PCBD2: variants seen among roughly 807,000 people sequenced by gnomAD.
The protein encoded by PCBD2 is pterin-4 alpha-carbinolamine dehydratase 2.
PCBD2 carries 12 observed loss-of-function variants against 16.4 expected under a neutral mutation model. The observed-to-expected ratio is 0.73, with a 90% CI of 0.47 to 1.19. PCBD2 has a LOEUF of 1.19. PCBD2 is among the 50% of genes most tolerant of loss of function. The probability of loss-of-function intolerance (pLI) is 0.00; values close to 1 mark genes in which losing one functional copy is unlikely to be tolerated. For missense variants in PCBD2, 138 were observed against 156.8 expected, an observed-to-expected ratio of 0.88 and a Z score of 0.64; for synonymous variants, 58 against 61.8, an observed-to-expected ratio of 0.94 and a Z score of 0.29.
At chr5:134,948,497 TA>T (rs1397066172) in intron 2 of PCBD2, among the ~76,000 whole-genome samples, 1 of 152,214 alleles carries the variant, frequency 6.6e-6, no homozygotes, top group Non-Finnish European at 1.5e-5. Flanking sequence ...TTTATATTAA[TA>T]TACTCCTATC....
chr5:134,905,704 T>G (rs1750678659), intron 1 of PCBD2: 1 of 153,752 alleles, frequency 6.5e-6, no homozygotes, highest in Non-Finnish European at 1.4e-5. Context: ...TTGACTTTTC[T>G]TTCCTTTTCC....
At chr5:134,926,579 T>C (rs914910060) in intron 2 of PCBD2, 1 of 396,160 alleles carries the variant, frequency 2.5e-6, no homozygotes, top group Non-Finnish European at 4.5e-6. Context: ...GCAGTTCTTA[T>C]GCGCTTTCTC....
At chr5:134,909,735 A>G (rs926736300) in intron 1 of PCBD2, among the ~76,000 whole-genome samples, 1 of 152,220 alleles carries the variant, frequency 6.6e-6, no homozygotes, top group Non-Finnish European at 1.5e-5. Flanking sequence ...AGTGTCCAAG[A>G]TGGCCGGTGG....
intron 2 of PCBD2, among the ~76,000 whole-genome samples, chr5:134,935,111 T>C (rs1751143956): frequency 6.6e-6 from 1 of 152,242 alleles, no homozygotes; most frequent in Admixed American, 6.5e-5. Flanking sequence ...TTTAGTCCTT[T>C]CGTGTGAATC....
intron 2 of PCBD2, chr5:134,927,647 C>A (rs1027076786): frequency 1.3e-5 from 5 of 397,934 alleles, no homozygotes; most frequent in African/African-American, 8.3e-5. Context: ...TGATGATAGC[C>A]AGGGTGGGGA....
At chr5:134,924,576 TTAG>T (rs975730630) in intron 2 of PCBD2, 86 of 398,886 alleles carry the variant, frequency 2.2e-4, no homozygotes, top group African/African-American at 1.5e-3. Flanking sequence ...TGGGCGTTGA[TTAG>T]TAGTAGTTAC....
chr5:134,943,345 C>T (rs1580891116), intron 2 of PCBD2, among the ~76,000 whole-genome samples: 1 of 152,114 alleles, frequency 6.6e-6, no homozygotes, highest in Non-Finnish European at 1.5e-5. Context: ...GCAAAGATCA[C>T]GGAAACATGA....
intron 2 of PCBD2, among the ~76,000 whole-genome samples, chr5:134,938,795 C>CA (rs1466534845): frequency 6.6e-6 from 1 of 152,130 alleles, no homozygotes; most frequent in African/African-American, 2.4e-5. Flanking sequence ...CATTAAAACT[C>CA]AAACTATTTC....
chr5:134,931,045 G>A (rs568561835), intron 2 of PCBD2, among the ~76,000 whole-genome samples: 119 of 152,110 alleles, frequency 7.8e-4, no homozygotes, highest in South Asian at 8.3e-4. Flanking sequence ...AGCCTACCGA[G>A]TAGCTGGGAC....
rs1414830422 is a variant in PCBD2, at chr5:134,910,470, ATTG to A, written c.216+7_216+9del. The A allele has an allele frequency of 6.2e-7, 1 of 1,613,834 alleles. No homozygotes were observed. On this transcript the variant is annotated splice_donor_5th_base_variant and intron_variant, in intron 2 of 3. Transcript: ENST00000254908. ...CTCCTTCCACAATTTTAATCAGGTA[ATTG>A]TTATAAATTCTTGCTAGGGCTGTGG...
At chr5:134,909,782 A>G (rs937110859) in intron 1 of PCBD2, among the ~76,000 whole-genome samples, 2 of 152,198 alleles carry the variant, frequency 1.3e-5, no homozygotes, top group African/African-American at 4.8e-5. Context: ...AATAAACCAC[A>G]GAAGGGCCGG....
chr5:134,956,356 T>A (rs1751415147), intron 2 of PCBD2, among the ~76,000 whole-genome samples: 1 of 152,226 alleles, frequency 6.6e-6, no homozygotes, highest in Non-Finnish European at 1.5e-5. Context: ...AGGCTGTGGC[T>A]GTGTTTCCTT....
At chr5:134,930,722 C>T (rs17167694) in intron 2 of PCBD2, among the ~76,000 whole-genome samples, 3,313 of 152,228 alleles carry the variant, frequency 0.022, 106 homozygotes, top group African/African-American at 0.069. Context: ...CAGCCACAAT[C>T]GGATGAGAAT....
At chr5:134,938,250 G>A (rs961857420) in intron 2 of PCBD2, among the ~76,000 whole-genome samples, 2 of 152,194 alleles carry the variant, frequency 1.3e-5, no homozygotes, top group Non-Finnish European at 2.9e-5. Context: ...CTCCAGATCC[G>A]TCATTGTTGC....
intron 2 of PCBD2, among the ~76,000 whole-genome samples, chr5:134,911,778 C>T (rs1424317178): frequency 6.6e-6 from 1 of 152,208 alleles, no homozygotes; most frequent in Admixed American, 6.5e-5. Flanking sequence ...TCTCCAACTC[C>T]TAAGGAAACC....
intron 2 of PCBD2, chr5:134,923,814 A>G (rs944971176): frequency 1.5e-5 from 6 of 393,954 alleles, no homozygotes; most frequent in Non-Finnish European, 1.8e-5. Context: ...AAGGTAGCGG[A>G]TGATTCAGCC....
intron 2 of PCBD2, among the ~76,000 whole-genome samples, chr5:134,941,274 T>C (rs1205575136): frequency 1.3e-5 from 2 of 152,230 alleles, no homozygotes. Context: ...CAGGTTTAAT[T>C]GTCATTGTTT....
intron 2 of PCBD2, among the ~76,000 whole-genome samples, chr5:134,955,169 G>T (rs1247105707): frequency 6.6e-6 from 1 of 151,184 alleles, no homozygotes; most frequent in East Asian, 1.9e-4. Flanking sequence ...ACAATTTATA[G>T]ATTTAAACCC....
intron 2 of PCBD2, among the ~76,000 whole-genome samples, chr5:134,933,530 C>T (rs1042413919): frequency 6.6e-6 from 1 of 152,214 alleles, no homozygotes; most frequent in African/African-American, 2.4e-5. Context: ...GCCACTGCAG[C>T]TGGCTTACCA....
Sources: gnomAD v4.1 joint callset for allele counts (sites outside exome capture counted in the v4.1 genomes callset) on GRCh38, gnomAD v4.1.1 for gene constraint, MANE v1.5 for transcripts, NCBI Gene and HGNC (gene_info 2026-07-23, HGNC 2026-07-21) for gene names.